PPP2CA: variants seen among roughly 807,000 people sequenced by gnomAD.
PPP2CA encodes the protein serine/threonine-protein phosphatase 2A catalytic subunit alpha isoform.
In PPP2CA, 5 loss-of-function variants were observed where a neutral mutation model predicts 38.8. The ratio of observed to expected loss-of-function variants is 0.13; its 90% CI spans 0.07 to 0.27. The LOEUF (loss-of-function observed/expected upper bound fraction) is 0.27, where lower values mean the gene tolerates loss of function less well. PPP2CA is among the 10% of genes least tolerant of loss of function. The pLI is 1.00. For synonymous variants in PPP2CA, 152 were observed against 134.0 expected (o/e 1.13, Z -0.93); for missense variants, 88 against 389.7 (o/e 0.23, Z 6.52).
chr5:134,220,114 T>C (rs536282888), intron 1 of PPP2CA, among the ~76,000 whole-genome samples: 2 of 151,772 alleles, frequency 1.3e-5, no homozygotes, highest in Admixed American at 1.3e-4. Context: ...CTCTCCCTTC[T>C]TCAGCCTGGT....
intron 1 of PPP2CA, among the ~76,000 whole-genome samples, chr5:134,224,619 T>C (rs1762523022): frequency 6.6e-6 from 1 of 152,250 alleles, no homozygotes; most frequent in African/African-American, 2.4e-5. Context: ...GAAGTTAAAA[T>C]GTTCACAGCA....
At chr5:134,205,180 A>G (rs1007570416) in intron 2 of PPP2CA, among the ~76,000 whole-genome samples, 2 of 152,060 alleles carry the variant, frequency 1.3e-5, no homozygotes, top group Non-Finnish European at 2.9e-5. Context: ...CAATATGCTC[A>G]CTTTGTCCTG....
At chr5:134,203,945 T>A (rs1326806393) in intron 2 of PPP2CA, among the ~76,000 whole-genome samples, 2 of 152,176 alleles carry the variant, frequency 1.3e-5, no homozygotes, top group African/African-American at 4.8e-5. Flanking sequence ...CTCTTAAAGG[T>A]AGCACATTCA....
intron 1 of PPP2CA, among the ~76,000 whole-genome samples, chr5:134,215,215 A>C (rs931443133): frequency 6.6e-6 from 1 of 151,684 alleles, no homozygotes; most frequent in East Asian, 1.9e-4. Flanking sequence ...CTCTTGCCTC[A>C]GCCTCACAGA....
intron 1 of PPP2CA, among the ~76,000 whole-genome samples, chr5:134,218,408 A>G (rs553469856): frequency 6.6e-6 from 1 of 152,370 alleles, no homozygotes; most frequent in South Asian, 2.1e-4. Flanking sequence ...AAAGATCCTT[A>G]AAGCCCTATG....
chr5:134,206,987 G>A (rs1762096268), intron 1 of PPP2CA, among the ~76,000 whole-genome samples: 1 of 152,200 alleles, frequency 6.6e-6, no homozygotes, highest in South Asian at 2.1e-4. Context: ...AACTGGGAGA[G>A]ACCACTTTAC....
chr5:134,202,663 GCTA>G (rs2149383626), intron 2 of PPP2CA, among the ~76,000 whole-genome samples: 1 of 152,230 alleles, frequency 6.6e-6, no homozygotes, highest in South Asian at 2.1e-4. Context: ...GAGGTTTTTG[GCTA>G]CTATGAATAA....
At chr5:134,224,370 C>G (rs947492265) in intron 1 of PPP2CA, 1 of 432,406 alleles carries the variant, frequency 2.3e-6, no homozygotes, top group Admixed American at 2.9e-5. Flanking sequence ...TTTGTTCAGG[C>G]TTGGGAGAAA....
chr5:134,204,372 C>A (rs936027455), intron 2 of PPP2CA, among the ~76,000 whole-genome samples: 2 of 152,262 alleles, frequency 1.3e-5, no homozygotes, highest in African/African-American at 4.8e-5. Context: ...ATGTTCAGAT[C>A]ATCATCAGTA....
rs769833285 is a variant in PPP2CA at position 134,201,800 on chromosome 5, A to T, written c.486+48T>A. On this transcript the variant is annotated intron_variant, in intron 3 of 6. Transcript: ENST00000481195. ...AGTCATAAGCACCTGAACACTAAAG[A>T]AAGCAGATTCTCTGAAATAATCAGC... The T allele has an allele frequency of 3.2e-6, 5 of 1,581,382 alleles. No homozygotes were observed. The South Asian group carries it at 4.6e-5, about 15-fold the overall frequency.
intron 1 of PPP2CA, 196 bp downstream of exon 1, chr5:134,225,564 C>T (rs1762554203): frequency 2.0e-6 from 1 of 499,284 alleles, no homozygotes; most frequent in Non-Finnish European, 3.5e-6. Context: ...TAGGCGGCGG[C>T]GGCAACCAAT....
At chr5:134,203,924 C>T (rs1762021697) in intron 2 of PPP2CA, among the ~76,000 whole-genome samples, 1 of 152,186 alleles carries the variant, frequency 6.6e-6, no homozygotes, top group Admixed American at 6.5e-5. Context: ...GTTGCCCAGG[C>T]TGCTTGCATA....
intron 1 of PPP2CA, among the ~76,000 whole-genome samples, chr5:134,222,362 A>G (rs577979236): frequency 1.3e-5 from 2 of 152,190 alleles, no homozygotes; most frequent in Non-Finnish European, 2.9e-5. Context: ...CCCAATTCAT[A>G]TAAGAATGTC....
intron 1 of PPP2CA, among the ~76,000 whole-genome samples, chr5:134,214,158 A>T (rs993670241): frequency 6.6e-6 from 1 of 152,196 alleles, no homozygotes; most frequent in African/African-American, 2.4e-5. Flanking sequence ...TAAAAAAAAA[A>T]TTAAAAGGTT....
chr5:134,207,907 A>AT (rs1044993841), intron 1 of PPP2CA, among the ~76,000 whole-genome samples: 3 of 152,128 alleles, frequency 2.0e-5, no homozygotes, highest in African/African-American at 7.2e-5. Flanking sequence ...TCATTCTGAA[A>AT]TTTTTCTCTG....
chr5:134,215,990 T>C (rs1762311858), intron 1 of PPP2CA, among the ~76,000 whole-genome samples: 1 of 152,228 alleles, frequency 6.6e-6, no homozygotes, highest in Non-Finnish European at 1.5e-5. Flanking sequence ...AACAGAGTAC[T>C]CTTGCCACTA....
chr5:134,211,099 C>CT (rs112931319), intron 1 of PPP2CA, among the ~76,000 whole-genome samples: 2,729 of 145,672 alleles, frequency 0.019, 66 homozygotes, highest in African/African-American at 0.061. Flanking sequence ...TTTTTAAAAT[C>CT]TTTTTTTTTT....
chr5:134,217,187 G>T (rs761483278), intron 1 of PPP2CA, among the ~76,000 whole-genome samples: 1 of 152,122 alleles, frequency 6.6e-6, no homozygotes, highest in Non-Finnish European at 1.5e-5. Flanking sequence ...GGCTGGGGCA[G>T]GAGAATTGCT....
rs142147825 is a variant in PPP2CA at position 134,213,027 on chromosome 5, TACA to T, written c.103-6899_103-6897del. Among the ~76,000 whole-genome samples the T allele has an allele frequency of 9.0e-3, 1,365 of 152,320 alleles. 28 individuals are homozygous for T. The highest frequency in any genetic ancestry group is 0.03 in the African/African-American group (1,263 of 41,570). ...AGGCATCAAGTACCAATATAAAAACTACAACAAGTTTCCCAGACGATCTACCTA... is the reference window on the plus strand; with the variant it reads ...AGGCATCAAGTACCAATATAAAAACTACAAGTTTCCCAGACGATCTACCTA... On this transcript the variant is annotated intron_variant, in intron 1 of 6. Coordinates refer to ENST00000481195, the MANE Select transcript of PPP2CA (RefSeq NM_002715.4).
Sources: gnomAD v4.1 joint callset for allele counts (sites outside exome capture counted in the v4.1 genomes callset) on GRCh38, gnomAD v4.1.1 for gene constraint, MANE v1.5 for transcripts, NCBI Gene and HGNC (gene_info 2026-07-23, HGNC 2026-07-21) for gene names.